The following RIMS2 variants were observed in gnomAD, a reference collection of about 807,000 sequenced individuals.
RIMS2 encodes regulating synaptic membrane exocytosis protein 2.
Under a neutral mutation model 174.4 loss-of-function variants are expected in RIMS2, and 59 were observed. The ratio of observed to expected loss-of-function variants is 0.34; its 90% CI spans 0.27 to 0.42. The LOEUF (loss-of-function observed/expected upper bound fraction) is 0.42. Among genes scored for constraint, RIMS2 ranks in the 10% least tolerant of loss-of-function variants. The pLI, the probability that RIMS2 is intolerant of heterozygous loss-of-function variation, is 1.00. For synonymous variants in RIMS2, 606 were observed against 572.5 expected (o/e 1.06, Z -0.84); for missense variants, 1,620 against 1,666.3 (o/e 0.97, Z 0.48).
chr8:103,729,979 G>A (rs369470917), intron 2 of RIMS2, among the ~76,000 whole-genome samples: 30 of 152,302 alleles, frequency 2.0e-4, no homozygotes, highest in African/African-American at 6.5e-4. Context: ...GTCTATGCTT[G>A]AGAATGATTC....
At position 103,967,348 on chromosome 8, in the gene RIMS2, A is replaced by C. The variant is rs529581780; in HGVS notation, c.2770+6215A>C. On this transcript the variant is annotated intron_variant, in intron 15 of 23. Coordinates refer to ENST00000504942, the Ensembl canonical transcript of RIMS2. ...TGGGATTACAGGCATGTGCCACTAC[A>C]TCTGGCTAATTTGTTTTGTATTTTT... Among the ~76,000 whole-genome samples the C allele has an allele frequency of 2.7e-3, 405 of 151,202 alleles. 1 individual carries two copies. Among genetic ancestry groups the C allele is most frequent in the Middle Eastern group, 0.01 (3 of 288 alleles).
intron 3 of RIMS2, among the ~76,000 whole-genome samples, chr8:103,799,375 A>G (rs1191487063): frequency 2.6e-5 from 4 of 152,158 alleles, no homozygotes; most frequent in Non-Finnish European, 5.9e-5. Flanking sequence ...CCCATTAGTG[A>G]TGGACAATCT....
intron 3 of RIMS2, among the ~76,000 whole-genome samples, chr8:103,817,412 C>A (rs1042612108): frequency 1.3e-5 from 2 of 152,144 alleles, no homozygotes; most frequent in African/African-American, 4.8e-5. Flanking sequence ...AAAATGGAGT[C>A]CAAAGCAAAG....
At chr8:103,594,841 T>C (rs1401125645) in intron 1 of RIMS2, among the ~76,000 whole-genome samples, 1 of 151,780 alleles carries the variant, frequency 6.6e-6, no homozygotes, top group Admixed American at 6.6e-5. Context: ...TTACAATATA[T>C]AAGTATGTTT....
At chr8:104,219,391 C>T (rs73696508) in intron 19 of RIMS2, among the ~76,000 whole-genome samples, 1,901 of 152,226 alleles carry the variant, frequency 0.012, 29 homozygotes, top group African/African-American at 0.041. Flanking sequence ...TCTGCCACTT[C>T]GTAGTTAAGC....
At chr8:104,050,829 A>T (rs1009282357) in intron 19 of RIMS2, among the ~76,000 whole-genome samples, 1 of 152,224 alleles carries the variant, frequency 6.6e-6, no homozygotes, top group Non-Finnish European at 1.5e-5. Context: ...TTAACATGTA[A>T]CAATACTTAA....
At chr8:103,796,500 A>G (rs531934196) in intron 3 of RIMS2, among the ~76,000 whole-genome samples, 37 of 152,226 alleles carry the variant, frequency 2.4e-4, no homozygotes, top group Non-Finnish European at 2.8e-4. Context: ...TTTGAGACTC[A>G]CTATTATTTA....
exon 18 of RIMS2, chr8:104,013,618 C>T (rs1018559044): frequency 4.3e-6 from 7 of 1,612,398 alleles, no homozygotes; most frequent in African/African-American, 4.0e-5. Flanking sequence ...CCTGCCTTAT[C>T]GAGGTGAAAG....
At chr8:103,578,588 A>G (rs115577790) in intron 1 of RIMS2, among the ~76,000 whole-genome samples, 1,775 of 152,154 alleles carry the variant, frequency 0.012, 43 homozygotes, top group African/African-American at 0.04. Flanking sequence ...ACCCAACAAC[A>G]TATAAAGGAG....
In RIMS2 at chr8:104,180,496, A is replaced by C. The variant is rs116538627; in HGVS notation, c.3335-64420A>C. ...AAAGATATTGCATTTGTTCCCTGCT[A>C]CTCCAGAAAGTAGATCAATATGACT... On this transcript the variant is annotated intron_variant, in intron 19 of 23. Transcript: ENST00000504942. 4.6e-3 allele frequency among the ~76,000 whole-genome samples: 696 copies of C among 151,660 alleles called. 9 individuals are homozygous for C. The highest frequency in any genetic ancestry group is 0.016 in the African/African-American group (654 of 41,476).
chr8:104,015,633 A>G (rs2095879997), intron 19 of RIMS2, among the ~76,000 whole-genome samples: 1 of 152,130 alleles, frequency 6.6e-6, no homozygotes, highest in Non-Finnish European at 1.5e-5. Context: ...TGGAAATTAT[A>G]CCAAGGAGTT....
At chr8:103,566,385 G>A (rs908477698) in intron 1 of RIMS2, among the ~76,000 whole-genome samples, 1 of 152,074 alleles carries the variant, frequency 6.6e-6, no homozygotes, top group Non-Finnish European at 1.5e-5. Flanking sequence ...GTTGTTTCAG[G>A]GAGATGTTCA....
intron 3 of RIMS2, among the ~76,000 whole-genome samples, chr8:103,873,706 A>G (rs931959720): frequency 6.6e-6 from 1 of 152,112 alleles, no homozygotes; most frequent in Non-Finnish European, 1.5e-5. Flanking sequence ...AAAGATTTTC[A>G]TCTCATTAAG....
At chr8:104,090,831 T>C (rs1345633846) in intron 19 of RIMS2, among the ~76,000 whole-genome samples, 1 of 151,838 alleles carries the variant, frequency 6.6e-6, no homozygotes, top group Non-Finnish European at 1.5e-5. Flanking sequence ...TGGATATATG[T>C]AAAAATAATT....
At chr8:103,573,282 T>C (rs2092973156) in intron 1 of RIMS2, among the ~76,000 whole-genome samples, 2 of 152,066 alleles carry the variant, frequency 1.3e-5, no homozygotes, top group Non-Finnish European at 2.9e-5. Context: ...CAGGCTGGTC[T>C]TGAACTCCTG....
chr8:104,051,743 A>C (rs920749286), intron 19 of RIMS2, among the ~76,000 whole-genome samples: 5 of 152,206 alleles, frequency 3.3e-5, no homozygotes, highest in Non-Finnish European at 7.4e-5. Flanking sequence ...AGGGCACGTC[A>C]ATCTCTGCCA....
chr8:103,720,067 G>T (rs1431066034), intron 2 of RIMS2, among the ~76,000 whole-genome samples: 3 of 152,102 alleles, frequency 2.0e-5, no homozygotes, highest in African/African-American at 7.2e-5. Flanking sequence ...CATGATTATT[G>T]AAATGAAGGG....
chr8:103,963,082 TC>T (rs1319230158), intron 15 of RIMS2, among the ~76,000 whole-genome samples: 2 of 152,130 alleles, frequency 1.3e-5, no homozygotes. Context: ...TCCTTACATT[TC>T]CTCTTTATAG....
intron 16 of RIMS2, 59 bp downstream of exon 18, chr8:103,975,565 G>C: frequency 1.7e-6 from 2 of 1,210,716 alleles, no homozygotes; most frequent in Non-Finnish European, 2.4e-6. Context: ...GTTCTCCAGA[G>C]GGACAAAACT....
Sources: gnomAD v4.1 joint callset for allele counts (sites outside exome capture counted in the v4.1 genomes callset) on GRCh38, gnomAD v4.1.1 for gene constraint, MANE v1.5 for transcripts, NCBI Gene and HGNC (gene_info 2026-07-23, HGNC 2026-07-21) for gene names.